IGF2BP2: variants seen among roughly 807,000 people sequenced by gnomAD.
IGF2BP2 encodes the protein insulin-like growth factor 2 mRNA-binding protein 2.
IGF2BP2 carries 17 observed loss-of-function variants against 75.8 expected under a neutral mutation model. The ratio of observed to expected loss-of-function variants is 0.22; its 90% CI spans 0.15 to 0.34. IGF2BP2 has a LOEUF of 0.34. Ranked by LOEUF, IGF2BP2 falls within the 10% of genes least tolerant of loss-of-function variation. The pLI is 1.00. For synonymous variants in IGF2BP2, 288 were observed against 295.6 expected (o/e 0.97, Z 0.26); for missense variants, 516 against 772.4 (o/e 0.67, Z 3.93).
chr3:185,825,021 T>A lies in IGF2BP2; in HGVS notation c.-61A>T, dbSNP rs1200473637. On this transcript the variant is annotated 5_prime_UTR_variant, in exon 1 of 16. Coordinates refer to ENST00000382199, the MANE Select transcript of IGF2BP2 (RefSeq NM_006548.6). ...CCGGTACCCGGCGCTCCTCGCCTCCTCCGCTGCCCTCGTCTCTCCTCCTCC... is the reference window on the plus strand; with the variant it reads ...CCGGTACCCGGCGCTCCTCGCCTCCACCGCTGCCCTCGTCTCTCCTCCTCC... The A allele has an allele frequency of 2.5e-5, 33 of 1,331,898 alleles. No individual in the cohort carries two copies. Among genetic ancestry groups the A allele is most frequent in the Middle Eastern group, 3.9e-4 (2 of 5,108 alleles). 82.5% of individuals were successfully genotyped at this position (1,331,898 alleles called of 1,614,324 possible). A position where few individuals can be genotyped will look rare whatever the true frequency, so the allele number is the denominator to read the frequency against.
At chr3:185,700,260 T>A (rs1252787132) in intron 2 of IGF2BP2, among the ~76,000 whole-genome samples, 1 of 152,134 alleles carries the variant, frequency 6.6e-6, no homozygotes, top group African/African-American at 2.4e-5. Context: ...AATAATGAAT[T>A]AAATGAGGGG....
chr3:185,807,217 T>C (rs1739143330), intron 2 of IGF2BP2, among the ~76,000 whole-genome samples: 1 of 152,200 alleles, frequency 6.6e-6, no homozygotes, highest in South Asian at 2.1e-4. Context: ...AACTGTATTT[T>C]ATAAAAGGTG....
intron 2 of IGF2BP2, among the ~76,000 whole-genome samples, chr3:185,759,264 A>G (rs1217098403): frequency 6.6e-6 from 1 of 152,214 alleles, no homozygotes; most frequent in Non-Finnish European, 1.5e-5. Context: ...GAAACGGAAA[A>G]AAAGTATTGA....
chr3:185,705,484 C>T (rs1385517560), intron 2 of IGF2BP2, among the ~76,000 whole-genome samples: 1 of 152,106 alleles, frequency 6.6e-6, no homozygotes, highest in African/African-American at 2.4e-5. Flanking sequence ...ACCATAAGCC[C>T]CAGAACAGCC....
At chr3:185,760,567 G>A (rs1343382701) in intron 2 of IGF2BP2, among the ~76,000 whole-genome samples, 2 of 152,062 alleles carry the variant, frequency 1.3e-5, no homozygotes, top group Non-Finnish European at 2.9e-5. Context: ...GCCCCTTCCC[G>A]GCCCCTGGCA....
At chr3:185,730,286 T>C (rs1195789132) in intron 2 of IGF2BP2, among the ~76,000 whole-genome samples, 1 of 152,184 alleles carries the variant, frequency 6.6e-6, no homozygotes, top group African/African-American at 2.4e-5. Flanking sequence ...AATAATTTCA[T>C]TCCTTTGTAT....
intron 6 of IGF2BP2, 185 bp downstream of exon 6, chr3:185,689,170 G>T: frequency 1.6e-6 from 1 of 628,004 alleles, no homozygotes; most frequent in Non-Finnish European, 2.7e-6. Context: ...CTCTCAGCAT[G>T]AAAGCTTGTC....
At chr3:185,689,030 T>G in intron 6 of IGF2BP2, 1 of 220,384 alleles carries the variant, frequency 4.5e-6, no homozygotes, top group Non-Finnish European at 9.0e-6. Flanking sequence ...CTATGATGAG[T>G]GGGTTCTAGG....
chr3:185,820,201 AGTATGTGTGT>A (rs1741155056), intron 2 of IGF2BP2, among the ~76,000 whole-genome samples: 2 of 142,012 alleles, frequency 1.4e-5, no homozygotes, highest in Admixed American at 1.4e-4. Context: ...CAAGGCATGC[AGTATGTGTGT>A]GTGTGTATGT....
At chr3:185,650,221 A>C (rs2149050231) in intron 13 of IGF2BP2, among the ~76,000 whole-genome samples, 1 of 151,858 alleles carries the variant, frequency 6.6e-6, no homozygotes, top group African/African-American at 2.4e-5. Context: ...CATTCAACAT[A>C]ATCTTTCTTT....
intron 2 of IGF2BP2, among the ~76,000 whole-genome samples, chr3:185,734,172 C>A (rs1373260324): frequency 6.6e-6 from 1 of 152,208 alleles, no homozygotes; most frequent in African/African-American, 2.4e-5. Context: ...CACCTCTCTC[C>A]CTAGCCATGG....
chr3:185,765,273 A>G (rs1732891809), intron 2 of IGF2BP2, among the ~76,000 whole-genome samples: 1 of 152,190 alleles, frequency 6.6e-6, no homozygotes, highest in East Asian at 1.9e-4. Flanking sequence ...AGCCCAAATA[A>G]AAGGGATACA....
At chr3:185,737,128 TACA>T (rs1728962782) in intron 2 of IGF2BP2, among the ~76,000 whole-genome samples, 2 of 152,264 alleles carry the variant, frequency 1.3e-5, no homozygotes, top group Admixed American at 6.5e-5. Context: ...CCATGATGTT[TACA>T]TCCTTCACAT....
chr3:185,786,411 GC>G (rs577704645), intron 2 of IGF2BP2, among the ~76,000 whole-genome samples: 394 of 152,244 alleles, frequency 2.6e-3, no homozygotes, highest in Non-Finnish European at 4.6e-3. Flanking sequence ...AGTGAAAATG[GC>G]CGGTTCCTGC....
chr3:185,824,902 C>G lies in IGF2BP2; in HGVS notation c.59G>C (p.Arg20Pro), dbSNP rs1261763236. 1.3e-6 allele frequency: 2 copies of G among 1,572,496 alleles called. No homozygotes were observed. Among genetic ancestry groups the G allele is most frequent in the Admixed American group, 1.8e-5 (1 of 56,106 alleles). Reference sequence around the variant, plus strand: ...CAGCTTCCTGTCCCCAAAGAGCTGCCGGAGGTCGTCGGCGGTGACGGCGGG... The same window carrying G: ...CAGCTTCCTGTCCCCAAAGAGCTGCGGGAGGTCGTCGGCGGTGACGGCGGG... Reference protein sequence around the residue: ...LSPAVTADDLRQLFGDRKLPL... With the variant: ...LSPAVTADDLPQLFGDRKLPL... Residue 20 changes from arginine (R) to proline (P), a missense_variant, in exon 1 of 16, where the codon CGG (arginine) becomes CCG (proline). Coordinates refer to ENST00000382199, the MANE Select transcript of IGF2BP2 (RefSeq NM_006548.6).
intron 2 of IGF2BP2, among the ~76,000 whole-genome samples, chr3:185,804,239 G>A (rs1229209051): frequency 7.4e-6 from 1 of 135,766 alleles, no homozygotes; most frequent in African/African-American, 2.9e-5. Flanking sequence ...CTGGACAACA[G>A]AGCAAGACTA....
chr3:185,813,511 G>A (rs768551208), intron 2 of IGF2BP2, among the ~76,000 whole-genome samples: 1 of 152,164 alleles, frequency 6.6e-6, no homozygotes, highest in Non-Finnish European at 1.5e-5. Context: ...GGATCCAGGA[G>A]ACAGGCCAGA....
chr3:185,653,677 G>A (rs982768539), intron 12 of IGF2BP2, among the ~76,000 whole-genome samples: 28 of 151,988 alleles, frequency 1.8e-4, no homozygotes, highest in African/African-American at 5.6e-4. Flanking sequence ...AGCCAAGACC[G>A]AGGTCAGAAC....
chr3:185,718,391 C>G (rs917943041), intron 2 of IGF2BP2, among the ~76,000 whole-genome samples: 1 of 152,086 alleles, frequency 6.6e-6, no homozygotes, highest in African/African-American at 2.4e-5. Context: ...GTAACTCTAT[C>G]AGAAAGCAAG....
Sources: gnomAD v4.1 joint callset for allele counts (sites outside exome capture counted in the v4.1 genomes callset) on GRCh38, gnomAD v4.1.1 for gene constraint, MANE v1.5 for transcripts, NCBI Gene and HGNC (gene_info 2026-07-23, HGNC 2026-07-21) for gene names.